Variants in DIP2B observed in about 807,000 individuals in gnomAD.
DIP2B encodes the protein DIP2 acetate--CoA ligase B (putative).
Under a neutral mutation model 198.0 loss-of-function variants are expected in DIP2B, and 76 were observed. That is an observed-to-expected ratio of 0.38 (90% CI 0.32 to 0.46). DIP2B has a LOEUF of 0.46. DIP2B is among the 20% of genes least tolerant of loss of function. The pLI, the probability that DIP2B is intolerant of heterozygous loss-of-function variation, is 0.99. For missense variants in DIP2B, 1,559 were observed against 1,978.4 expected (o/e 0.79, Z 4.02); for synonymous variants, 701 against 739.1 (o/e 0.95, Z 0.84).
chr12:50,631,170 G>C lies in DIP2B; in HGVS notation c.172+5123G>C, dbSNP rs144466089. 8.6e-3 allele frequency among the ~76,000 whole-genome samples: 1,312 copies of C among 151,814 alleles called. 25 individuals carry two copies. The highest frequency in any genetic ancestry group is 0.03 in the African/African-American group (1,248 of 41,360). On this transcript the variant is annotated intron_variant, in intron 2 of 37. Transcript: ENST00000301180. ...GACAGGGTCTCACTCTGTCGCCCAG[G>C]CTGGAGTGCGGTGCTGTGATCTTTG...
rs1940363503 is a variant in DIP2B at position 50,748,024 on chromosome 12, C to G, written c.*3185C>G. 1 of 152,672 alleles carries G rather than the reference C, an allele frequency of 6.5e-6. No individual in the cohort carries two copies. Among genetic ancestry groups the G allele is most frequent in the African/African-American group, 2.4e-5 (1 of 41,450 alleles). 9.5% of individuals were successfully genotyped at this position (152,672 alleles called of 1,614,324 possible). The stretch of plus-strand genomic sequence containing the variant: ...CCTCAGGCTGTTTAGGGACCATTGC[C>G]TGTCTTGGTCACATGAGTCTGTCTC... On this transcript the variant is annotated 3_prime_UTR_variant, in exon 38 of 38. Coordinates refer to ENST00000301180, the MANE Select transcript of DIP2B (RefSeq NM_173602.3).
In DIP2B at chr12:50,505,024, G is replaced by T; in HGVS notation, c.-117G>T. The T allele has an allele frequency of 9.3e-7, 1 of 1,076,114 alleles. No individual in the cohort carries two copies. The highest frequency in any genetic ancestry group is 1.3e-6 in the Non-Finnish European group (1 of 745,316). The allele number at this position is 1,076,114 out of a possible 1,614,324, so 66.7% of individuals were successfully genotyped here. ...CATGGCGGCGGCGGCGGCGGCGGCG[G>T]TGCTGGTGGTGCTCGGCGGCCGGAG... On this transcript the variant is annotated 5_prime_UTR_variant, in exon 1 of 38. Coordinates refer to ENST00000301180, the MANE Select transcript of DIP2B (RefSeq NM_173602.3).
intron 1 of DIP2B, among the ~76,000 whole-genome samples, chr12:50,550,862 G>A (rs1208986895): frequency 2.0e-5 from 3 of 152,168 alleles, no homozygotes; most frequent in East Asian, 3.8e-4. Flanking sequence ...AGTGGCTCAC[G>A]TTTATAATCC....
chr12:50,568,634 G>A (rs914891144), intron 1 of DIP2B, among the ~76,000 whole-genome samples: 2 of 152,082 alleles, frequency 1.3e-5, no homozygotes, highest in Admixed American at 6.6e-5. Flanking sequence ...GGAATTGTAA[G>A]CTTTCAGTTT....
intron 1 of DIP2B, among the ~76,000 whole-genome samples, chr12:50,547,906 A>C (rs980153320): frequency 6.6e-6 from 1 of 152,010 alleles, no homozygotes. Flanking sequence ...CCATCTTTAC[A>C]AAAAATACAA....
chr12:50,575,142 A>G (rs192650159), intron 1 of DIP2B, among the ~76,000 whole-genome samples: 20 of 151,312 alleles, frequency 1.3e-4, no homozygotes, highest in African/African-American at 4.9e-4. Context: ...TAACTCTTTC[A>G]TATCTTGGTG....
Position 50,708,029 on chromosome 12 carries a change from C to T in DIP2B, c.2535-419C>T, listed in dbSNP as rs552910962. Among the ~76,000 whole-genome samples, 29 of 152,224 alleles carry T rather than the reference C, an allele frequency of 1.9e-4. 1 individual carries two copies. Among genetic ancestry groups the T allele is most frequent in the Non-Finnish European group, 3.1e-4 (21 of 68,016 alleles). ...TCTTCCTCCAGATCTTCGCGTGGCTCGCGTCCTCACCTCATTCAGGTCTCT... is the reference window on the plus strand; with the variant it reads ...TCTTCCTCCAGATCTTCGCGTGGCTTGCGTCCTCACCTCATTCAGGTCTCT... On this transcript the variant is annotated intron_variant, in intron 21 of 37. Coordinates refer to ENST00000301180, the MANE Select transcript of DIP2B (RefSeq NM_173602.3).
intron 1 of DIP2B, among the ~76,000 whole-genome samples, chr12:50,554,412 C>T (rs1426531973): frequency 2.0e-5 from 3 of 152,070 alleles, no homozygotes; most frequent in Admixed American, 2.0e-4. Flanking sequence ...TTTGTTTTCT[C>T]TGTAATTGCA....
intron 3 of DIP2B, among the ~76,000 whole-genome samples, chr12:50,643,405 CTGTGTGTGTGTGTGTGTGTG>C (rs57483938): frequency 3.0e-5 from 4 of 131,184 alleles, no homozygotes; most frequent in Admixed American, 8.0e-5. Flanking sequence ...GGGAGTTTTT[CTGTGTGTGTGTGTGTGTGTG>C]TGTGTGTGTG....
intron 1 of DIP2B, among the ~76,000 whole-genome samples, chr12:50,577,403 G>A (rs1006866236): frequency 6.6e-6 from 1 of 151,960 alleles, no homozygotes; most frequent in African/African-American, 2.4e-5. Flanking sequence ...GCGTGGTGGC[G>A]GGCCCCTGTA....
At chr12:50,524,862 G>A (rs1434452117) in intron 1 of DIP2B, among the ~76,000 whole-genome samples, 2 of 152,108 alleles carry the variant, frequency 1.3e-5, no homozygotes, top group Non-Finnish European at 2.9e-5. Flanking sequence ...TGAGTAGCTA[G>A]GACTCCAGGC....
intron 37 of DIP2B, among the ~76,000 whole-genome samples, chr12:50,744,183 G>A (rs1052927563): frequency 6.6e-6 from 1 of 152,150 alleles, no homozygotes; most frequent in African/African-American, 2.4e-5. Flanking sequence ...TGTATTTTTA[G>A]TAGAGGCGGG....
intron 2 of DIP2B, among the ~76,000 whole-genome samples, chr12:50,630,805 G>C (rs1025396651): frequency 6.6e-6 from 1 of 151,304 alleles, no homozygotes; most frequent in Non-Finnish European, 1.5e-5. Flanking sequence ...CTGCGTAGCT[G>C]GGATTACAGG....
intron 1 of DIP2B, among the ~76,000 whole-genome samples, chr12:50,606,214 G>A (rs907890068): frequency 1.3e-5 from 2 of 151,356 alleles, no homozygotes; most frequent in Admixed American, 1.3e-4. Context: ...CACAAGTTCT[G>A]GGCACAAGTG....
chr12:50,744,690 G>T lies in DIP2B; in HGVS notation c.4582G>T (p.Glu1528Ter). Residue 1528 changes from glutamate (E) to a stop codon, truncating the protein, a stop_gained, in exon 38 of 38, where the codon GAA becomes TAA. Transcript: ENST00000301180. LOFTEE classifies it high-confidence loss of function. ...LVPLVTNVVL[E>*]EHYLIVGVVV... Reference sequence around the variant, plus strand: ...CCCATTAGTGACCAACGTGGTCCTGGAAGAGCATTACCTCATCGTTGGCGT... The same window carrying T: ...CCCATTAGTGACCAACGTGGTCCTGTAAGAGCATTACCTCATCGTTGGCGT... The T allele has an allele frequency of 6.2e-7, 1 of 1,614,196 alleles. No homozygotes were observed. The highest frequency in any genetic ancestry group is 8.5e-7 in the Non-Finnish European group (1 of 1,180,048).
In DIP2B at chr12:50,732,427, G is replaced by A. The variant is rs749293415; in HGVS notation, c.3872G>A (p.Arg1291His). ...TCVVVAEERPRVALQQSFSKL... is the reference protein window; with the variant it reads ...TCVVVAEERPHVALQQSFSKL... The stretch of plus-strand genomic sequence containing the variant: ...GTGGTGGTGGCGGAGGAGAGGCCCC[G>A]CGTTGCACTCCAGCAGTCCTTCTCT... The change falls in exon 32 of 38, where the codon CGC (arginine) becomes CAC (histidine). Residue 1291 changes from arginine (R) to histidine (H), a missense_variant. Arg to His is a conservative substitution (Grantham distance 29, BLOSUM62 0). Coordinates refer to ENST00000301180, the MANE Select transcript of DIP2B (RefSeq NM_173602.3). The A allele has an allele frequency of 1.2e-5, 20 of 1,614,100 alleles. No individual in the cohort carries two copies. The East Asian group carries it at 1.6e-4, about 13-fold the overall frequency.
chr12:50,735,775 T>A (rs1940128535), intron 34 of DIP2B, among the ~76,000 whole-genome samples: 1 of 152,176 alleles, frequency 6.6e-6, no homozygotes. Flanking sequence ...GGTTCTATCT[T>A]ACAAACGTCA....
intron 22 of DIP2B, among the ~76,000 whole-genome samples, chr12:50,711,573 G>A (rs922970121): frequency 6.6e-6 from 1 of 151,930 alleles, no homozygotes; most frequent in Non-Finnish European, 1.5e-5. Context: ...TGTTTGTTTT[G>A]TTTTTGAGAT....
chr12:50,650,151 A>G (rs955093635), intron 3 of DIP2B, among the ~76,000 whole-genome samples: 2 of 152,126 alleles, frequency 1.3e-5, no homozygotes, highest in Non-Finnish European at 2.9e-5. Context: ...CGGAGGTTGC[A>G]GTGAGCCAAG....
Sources: gnomAD v4.1 joint callset for allele counts (sites outside exome capture counted in the v4.1 genomes callset) on GRCh38, gnomAD v4.1.1 for gene constraint, MANE v1.5 for transcripts, NCBI Gene and HGNC (gene_info 2026-07-23, HGNC 2026-07-21) for gene names.